ARL14EP: variants seen among roughly 807,000 people sequenced by gnomAD.
The protein encoded by ARL14EP is ARF like GTPase 14 effector protein.
Under a neutral mutation model 23.1 loss-of-function variants are expected in ARL14EP, and 12 were observed. That is an observed-to-expected ratio of 0.52 (90% confidence interval 0.33 to 0.84). The LOEUF is 0.84. ARL14EP is among the 40% of genes least tolerant of loss of function. The pLI is 0.02. For synonymous variants in ARL14EP, 97 were observed against 102.0 expected (o/e 0.95, Z 0.29); for missense variants, 253 against 307.3 (o/e 0.82, Z 1.32).
chr11:30,327,179 G>A (rs976672852), intron 1 of ARL14EP, among the ~76,000 whole-genome samples: 15 of 152,070 alleles, frequency 9.9e-5, no homozygotes, highest in African/African-American at 3.6e-4. Context: ...GATCACTTGA[G>A]GCCAGGAATT....
chr11:30,335,439 A>AC (rs1172425558), intron 3 of ARL14EP, among the ~76,000 whole-genome samples: 2 of 152,286 alleles, frequency 1.3e-5, no homozygotes, highest in East Asian at 3.9e-4. Flanking sequence ...GCTATCAAAC[A>AC]CCATCACATG....
At chr11:30,331,539 T>A in intron 2 of ARL14EP, 165 bp downstream of exon 2, 1 of 1,456,448 alleles carries the variant, frequency 6.9e-7, no homozygotes, top group Non-Finnish European at 9.0e-7. Flanking sequence ...TCACATATAC[T>A]GAAGGTCAAG....
intron 1 of ARL14EP, among the ~76,000 whole-genome samples, chr11:30,326,768 C>T (rs1251085525): frequency 6.6e-6 from 1 of 152,184 alleles, no homozygotes; most frequent in Non-Finnish European, 1.5e-5. Flanking sequence ...AATCGTAGAT[C>T]AGAAAGCTAA....
Position 30,331,268 on chromosome 11 carries a change from G to T in ARL14EP, c.320G>T (p.Arg107Ile). The T allele has an allele frequency of 6.2e-7, 1 of 1,613,976 alleles. No homozygotes were observed. The highest frequency in any genetic ancestry group is 8.5e-7 in the Non-Finnish European group (1 of 1,179,896). Residue 107 changes from arginine to isoleucine, a missense_variant, in exon 2 of 4, where the codon AGA (arginine) becomes ATA (isoleucine). By Grantham distance (97) the Arg-to-Ile change is moderately conservative. Coordinates refer to ENST00000282032, the MANE Select transcript of ARL14EP (RefSeq NM_152316.3). Reference protein sequence around the residue: ...DATFLSAKFGRQLVPGWKLCP... With the variant: ...DATFLSAKFGIQLVPGWKLCP... ...ACTTTTCTGAGTGCTAAATTTGGAA[G>T]ACAGCTTGTACCTGGTTGGAAGCTT...
At position 30,326,819 on chromosome 11, in the gene ARL14EP, C is replaced by A. The variant is rs544002866; in HGVS notation, c.-64+3617C>A. On this transcript the variant is annotated intron_variant, in intron 1 of 3. Transcript: ENST00000282032. Reference sequence around the variant, plus strand: ...AAAACTACCTTGACTCAGGTGTGTGCAGTTTTACTCAGGTGTGTGCAGTTT... The same window carrying A: ...AAAACTACCTTGACTCAGGTGTGTGAAGTTTTACTCAGGTGTGTGCAGTTT... 1.2e-4 allele frequency among the ~76,000 whole-genome samples: 8 copies of A among 65,490 alleles called. No homozygotes were observed. In the East Asian group the frequency reaches 9.6e-3, roughly 79 times the overall value. 43.0% of individuals were successfully genotyped at this position (65,490 alleles called of 152,430 possible). A position where few individuals can be genotyped will look rare whatever the true frequency, so the allele number is the denominator to read the frequency against.
At chr11:30,334,240 G>A (rs1489438559) in intron 3 of ARL14EP, among the ~76,000 whole-genome samples, 1 of 89,706 alleles carries the variant, frequency 1.1e-5, no homozygotes, top group Non-Finnish European at 2.2e-5. Flanking sequence ...TTTTGAGATG[G>A]AGTCTTGCTC....
Position 30,336,807 on chromosome 11 carries a change from A to G in ARL14EP, c.*12A>G, listed in dbSNP as rs766244089. ...AACATGCTGGATAATCTGCGGTACC[A>G]AACTATGGAGCCTTTAAAGGTCTTT... On this transcript the variant is annotated 3_prime_UTR_variant, in exon 4 of 4. Coordinates refer to ENST00000282032, the MANE Select transcript of ARL14EP (RefSeq NM_152316.3). 4.4e-6 allele frequency: 7 copies of G among 1,601,628 alleles called. No individual in the cohort carries two copies. Among genetic ancestry groups the G allele is most frequent in the Non-Finnish European group, 5.1e-6 (6 of 1,168,620 alleles).
intron 3 of ARL14EP, among the ~76,000 whole-genome samples, chr11:30,334,260 G>A (rs1221499887): frequency 1.7e-5 from 2 of 118,542 alleles, no homozygotes; most frequent in Admixed American, 1.1e-4. Context: ...CTGTCACCCA[G>A]CCTGAGGTGC....
chr11:30,326,229 AATGTG>A (rs1291728269), intron 1 of ARL14EP, among the ~76,000 whole-genome samples: 1 of 152,232 alleles, frequency 6.6e-6, no homozygotes, highest in Non-Finnish European at 1.5e-5. Flanking sequence ...AGCAAACTGT[AATGTG>A]CTTACAAATC....
At chr11:30,331,546 C>T (rs1198449523) in intron 2 of ARL14EP, 172 bp downstream of exon 2, 3 of 1,446,512 alleles carry the variant, frequency 2.1e-6, no homozygotes, top group Non-Finnish European at 9.0e-7. Context: ...TACTGAAGGT[C>T]AAGATTGGGG....
intron 2 of ARL14EP, chr11:30,331,915 C>A: frequency 1.7e-6 from 1 of 591,556 alleles, no homozygotes; most frequent in Non-Finnish European, 2.1e-6. Flanking sequence ...TGAATTCCTA[C>A]TTGATATGGT....
At chr11:30,336,424 G>T in intron 3 of ARL14EP, 143 bp from the exon 4 acceptor site, 2 of 729,426 alleles carry the variant, frequency 2.7e-6, no homozygotes, top group East Asian at 2.7e-5. Context: ...GATAGAATAA[G>T]CCTTGAGCCT....
chr11:30,328,082 C>T (rs1947253209), intron 1 of ARL14EP: 1 of 151,930 alleles, frequency 6.6e-6, no homozygotes, highest in Non-Finnish European at 1.5e-5. Flanking sequence ...CCTCTGATTT[C>T]CTTTTTCTCC....
chr11:30,330,171 A>G (rs1947270914), intron 1 of ARL14EP: 1 of 152,074 alleles, frequency 6.6e-6, no homozygotes, highest in Non-Finnish European at 1.5e-5. Flanking sequence ...GCCCTCATCT[A>G]CTCATGGATC....
chr11:30,330,882 C>T lies in ARL14EP; in HGVS notation c.-63-4C>T. 2 of 1,467,136 alleles carry T rather than the reference C, an allele frequency of 1.4e-6. No individual in the cohort carries two copies. Among genetic ancestry groups the T allele is most frequent in the South Asian group, 2.3e-5 (2 of 85,590 alleles). The allele number at this position is 1,467,136 out of a possible 1,614,324, so 90.9% of individuals were successfully genotyped here. On this transcript the variant is annotated splice_polypyrimidine_tract_variant and splice_region_variant and intron_variant, in intron 1 of 3. Transcript: ENST00000282032. ...AATTTGATTCTCTTTAATATTTTCTCTAGGGTGATCAGCCCATGACCTAAA... is the reference window on the plus strand; with the variant it reads ...AATTTGATTCTCTTTAATATTTTCTTTAGGGTGATCAGCCCATGACCTAAA...
rs756029099 is a variant in ARL14EP at position 30,332,901 on chromosome 11, T to G, written c.462T>G (p.Phe154Leu). The part of the protein sequence containing the change: ...RTAKALRSLQ[F>L]TNPGRQTEFA... ...CTAAAGCTTTGAGGTCATTACAATT[T>G]ACGAATCCAGGAAGGCAAACTGAAT... The change falls in exon 3 of 4, where the codon TTT becomes TTG. Residue 154 changes from phenylalanine to leucine, a missense_variant. Transcript: ENST00000282032. The G allele has an allele frequency of 6.2e-7, 1 of 1,613,530 alleles. No individual in the cohort carries two copies. Among genetic ancestry groups the G allele is most frequent in the African/African-American group, 1.3e-5 (1 of 74,910 alleles).
At position 30,335,761 on chromosome 11, in the gene ARL14EP, A is replaced by T. The variant is rs541708192; in HGVS notation, c.555-806A>T. On this transcript the variant is annotated intron_variant, in intron 3 of 3. Transcript: ENST00000282032. The stretch of plus-strand genomic sequence containing the variant: ...TTTATATGCACTGGAAAAGCAAAAA[A>T]ATATATATATATATATGTGTGTGTG... 1.5e-3 allele frequency among the ~76,000 whole-genome samples: 194 copies of T among 129,986 alleles called. No individual in the cohort carries two copies. In the South Asian group the frequency reaches 0.019, roughly 13 times the overall value. The allele number at this position is 129,986 out of a possible 152,430, so 85.3% of individuals were successfully genotyped here.
In ARL14EP at chr11:30,330,942, A is replaced by G; in HGVS notation, c.-7A>G. 3 of 1,613,470 alleles carry G rather than the reference A, an allele frequency of 1.9e-6. No homozygotes were observed. Among genetic ancestry groups the G allele is most frequent in the Non-Finnish European group, 2.5e-6 (3 of 1,179,638 alleles). ...AAAATAAAACGGAAAATTTGCTAGA[A>G]TCAAGAATGATGGATCCATGTTCAG... On this transcript the variant is annotated 5_prime_UTR_variant, in exon 2 of 4. Coordinates refer to ENST00000282032, the MANE Select transcript of ARL14EP (RefSeq NM_152316.3).
intron 1 of ARL14EP, among the ~76,000 whole-genome samples, chr11:30,327,679 C>T (rs1367058942): frequency 6.6e-6 from 1 of 151,894 alleles, no homozygotes; most frequent in Non-Finnish European, 1.5e-5. Flanking sequence ...AAAGGTCAGG[C>T]CAGGCACGGT....
Sources: allele counts gnomAD v4.1 joint callset (sites outside exome capture counted in the v4.1 genomes callset), GRCh38; gene constraint gnomAD v4.1.1; transcripts MANE v1.5; gene names NCBI Gene and HGNC (gene_info 2026-07-23, HGNC 2026-07-21).